Variants in UBASH3A observed in about 807,000 individuals in gnomAD.
The protein encoded by UBASH3A is ubiquitin-associated and SH3 domain-containing protein A.
Under a neutral mutation model 73.5 loss-of-function variants are expected in UBASH3A, and 63 were observed. That is an observed-to-expected ratio of 0.86 (90% CI 0.70 to 1.06). The LOEUF (loss-of-function observed/expected upper bound fraction) is 1.06. Among genes scored for constraint, UBASH3A ranks in the 50% least tolerant of loss-of-function variants. The pLI, the probability that UBASH3A is intolerant of heterozygous loss-of-function variation, is 0.00. For synonymous variants in UBASH3A, 363 were observed against 351.1 expected (o/e 1.03, Z -0.38); for missense variants, 860 against 859.0 (o/e 1.00, Z -0.02).
At position 42,406,461 on chromosome 21, in the gene UBASH3A, G is replaced by A. The variant is rs905987202; in HGVS notation, c.167+100G>A. On this transcript the variant is annotated intron_variant, in intron 2 of 14. Transcript: ENST00000319294. ...GGGCTGATACCAGGAAGAGCCGGGC[G>A]CCTCTGGGTGGGATGGGGCCACTGC... 43 of 1,033,670 alleles carry A rather than the reference G, an allele frequency of 4.2e-5. No homozygotes were observed. In the South Asian group the frequency reaches 4.3e-4, roughly 10 times the overall value. 64.0% of individuals were successfully genotyped at this position (1,033,670 alleles called of 1,614,324 possible).
At chr21:42,407,358 T>G (rs2052998212) in intron 2 of UBASH3A, among the ~76,000 whole-genome samples, 1 of 152,104 alleles carries the variant, frequency 6.6e-6, no homozygotes, top group African/African-American at 2.4e-5. Context: ...TGCCCCCTCC[T>G]CCTCCAGAAA....
rs200264316 is a variant in UBASH3A at position 42,417,859 on chromosome 21, CTTTT to C, written c.838-535_838-532del. 1.2e-3 allele frequency among the ~76,000 whole-genome samples: 149 copies of C among 125,670 alleles called. 1 individual carries two copies. The highest frequency in any genetic ancestry group is 4.1e-3 in the African/African-American group (142 of 34,764). The allele number at this position is 125,670 out of a possible 152,430, so 82.4% of individuals were successfully genotyped here. A position where few individuals can be genotyped will look rare whatever the true frequency, so the allele number is the denominator to read the frequency against. ...GATGGATAGATCCCAAAATGTATCT[CTTTT>C]TTTTTTCTTTTTTTCTTTTTTTTTT... On this transcript the variant is annotated intron_variant, in intron 6 of 14. Coordinates refer to ENST00000319294, the MANE Select transcript of UBASH3A (RefSeq NM_018961.4).
intron 10 of UBASH3A, among the ~76,000 whole-genome samples, chr21:42,436,843 G>A (rs1601597219): frequency 6.6e-6 from 1 of 152,326 alleles, no homozygotes; most frequent in South Asian, 2.1e-4. Context: ...TTTCTCAAAC[G>A]ACCACAAATG....
Position 42,447,347 on chromosome 21 carries a change from T to G in UBASH3A, c.*153T>G, listed in dbSNP as rs2053861919. The G allele has an allele frequency of 1.2e-6, 1 of 840,866 alleles. No homozygotes were observed. The highest frequency in any genetic ancestry group is 1.8e-6 in the Non-Finnish European group (1 of 561,508). The allele number at this position is 840,866 out of a possible 1,614,324, so 52.1% of individuals were successfully genotyped here. On this transcript the variant is annotated 3_prime_UTR_variant, in exon 15 of 15. Transcript: ENST00000319294. ...ACTTTTATATCCCGGAATATTTCCC[T>G]CCGGCTTTCGCCTTTGTAACTCCCA... is the stretch of plus-strand genomic sequence containing the variant.
At chr21:42,431,924 A>T (rs1270755959) in intron 8 of UBASH3A, among the ~76,000 whole-genome samples, 179 bp from the exon 9 acceptor site, 3 of 152,162 alleles carry the variant, frequency 2.0e-5, no homozygotes, top group Non-Finnish European at 2.9e-5. Flanking sequence ...AATTGAAGAG[A>T]TTGTCAATTT....
chr21:42,412,267 C>T (rs2053114692), intron 3 of UBASH3A, among the ~76,000 whole-genome samples: 1 of 152,140 alleles, frequency 6.6e-6, no homozygotes, highest in Non-Finnish European at 1.5e-5. Flanking sequence ...ACCTGTCGGG[C>T]TCCGTGGGCC....
chr21:42,410,842 C>T (rs528049896), intron 3 of UBASH3A, among the ~76,000 whole-genome samples: 321 of 152,116 alleles, frequency 2.1e-3, no homozygotes, highest in Admixed American at 4.1e-3. Context: ...TAGACACACA[C>T]AGATTGACAC....
rs368060592 is a variant in UBASH3A, at chr21:42,413,390, C to T, written c.554-20C>T. ...GTGGGCTTTCTTCCGGGCTCAGTGG[C>T]TGCACCTGTCCTCACCCAGGCACTT... On this transcript the variant is annotated intron_variant, in intron 4 of 14. Coordinates refer to ENST00000319294, the MANE Select transcript of UBASH3A (RefSeq NM_018961.4). The surrounding 1 kb of genome is among the most constrained non-coding windows in gnomAD (Gnocchi z 4.5). 96 of 1,598,922 alleles carry T rather than the reference C, an allele frequency of 6.0e-5. No individual in the cohort carries two copies. Among genetic ancestry groups the T allele is most frequent in the Non-Finnish European group, 7.3e-5 (85 of 1,170,008 alleles).
intron 10 of UBASH3A, 37 bp downstream of exon 10, chr21:42,434,991 T>A (rs2053601465): frequency 6.2e-7 from 1 of 1,610,578 alleles, no homozygotes; most frequent in Non-Finnish European, 8.5e-7. Flanking sequence ...AAGGTAACAA[T>A]AACAGCAACA....
chr21:42,419,343 C>A (rs939966360), intron 7 of UBASH3A, among the ~76,000 whole-genome samples: 2 of 152,162 alleles, frequency 1.3e-5, no homozygotes, highest in African/African-American at 4.8e-5. Context: ...TATCTCTTTC[C>A]TCTCCCGCTT....
At chr21:42,432,010 A>AGTTGCTGG in intron 8 of UBASH3A, 93 bp from the exon 9 acceptor site, 1 of 711,128 alleles carries the variant, frequency 1.4e-6, no homozygotes, top group Admixed American at 2.1e-5. Flanking sequence ...ATTCCCTCGC[A>AGTTGCTGG]GTTGCTGGGT....
At chr21:42,425,398 G>T (rs1376496730) in intron 7 of UBASH3A, among the ~76,000 whole-genome samples, 1 of 152,236 alleles carries the variant, frequency 6.6e-6, no homozygotes, top group African/African-American at 2.4e-5. Context: ...CCGCAGGGAG[G>T]CTGTGGGTGC....
At position 42,447,392 on chromosome 21, in the gene UBASH3A, C is replaced by T. The variant is rs1303603350; in HGVS notation, c.*198C>T. Reference sequence around the variant, plus strand: ...CTCCCATCTGTGGACCCATCGTCCACCAGCCCAGCTGCGGGGAGCACAGGG... The same window carrying T: ...CTCCCATCTGTGGACCCATCGTCCATCAGCCCAGCTGCGGGGAGCACAGGG... On this transcript the variant is annotated 3_prime_UTR_variant, in exon 15 of 15. Coordinates refer to ENST00000319294, the MANE Select transcript of UBASH3A (RefSeq NM_018961.4). 2 of 574,050 alleles carry T rather than the reference C, an allele frequency of 3.5e-6. No individual in the cohort carries two copies. The highest frequency in any genetic ancestry group is 3.3e-5 in the East Asian group (1 of 30,304). The allele number at this position is 574,050 out of a possible 1,614,324, so 35.6% of individuals were successfully genotyped here.
chr21:42,409,503 C>G lies in UBASH3A; in HGVS notation c.249C>G (p.Pro83=). ...CCCTTTTCCTCTGTCCAACGGGGCC[C>G]CTGCTGGAAAAACTTCAAGAGTTCT... ...EYALFLCPTG[P]LLEKLQEFWR... The change falls in exon 3 of 15, where the codon CCC becomes CCG. Residue 83 remains proline, a synonymous_variant. Transcript: ENST00000319294. 1.2e-6 allele frequency: 2 copies of G among 1,614,136 alleles called. No homozygotes were observed. Among genetic ancestry groups the G allele is most frequent in the Non-Finnish European group, 1.7e-6 (2 of 1,180,018 alleles).
chr21:42,412,420 C>T (rs933695270), intron 3 of UBASH3A, among the ~76,000 whole-genome samples: 1 of 152,174 alleles, frequency 6.6e-6, no homozygotes, highest in Non-Finnish European at 1.5e-5. Context: ...GAGCAGACCC[C>T]AAGGCAGAAT....
intron 3 of UBASH3A, among the ~76,000 whole-genome samples, chr21:42,411,086 G>A (rs1294727137): frequency 7.1e-6 from 1 of 141,724 alleles, no homozygotes; most frequent in East Asian, 2.1e-4. Context: ...GACACACACA[G>A]AGACACAGAT....
In UBASH3A at chr21:42,426,705, C is replaced by CCTT. The variant is rs771158307; in HGVS notation, c.1057_1059dup (p.Phe353dup). 23 of 1,613,818 alleles carry CCTT rather than the reference C, an allele frequency of 1.4e-5. No individual in the cohort carries two copies. The Middle Eastern group carries it at 4.9e-4, about 35-fold the overall frequency. On this transcript the variant is annotated inframe_insertion, in exon 8 of 15. Coordinates refer to ENST00000319294, the MANE Select transcript of UBASH3A (RefSeq NM_018961.4). Reference sequence around the variant, plus strand: ...CTTTCCTTCCCCTGCAGGATGTACACCTTCAGTCTAGCCACAGACCTGAAC... The same window carrying CCTT: ...CTTTCCTTCCCCTGCAGGATGTACACCTTCTTCAGTCTAGCCACAGACCTGAAC...
rs1380121356 is a variant in UBASH3A at position 42,443,375 on chromosome 21, C to G, written c.1695C>G (p.Cys565Trp). 1 of 1,613,204 alleles carries G rather than the reference C, an allele frequency of 6.2e-7. No homozygotes were observed. The highest frequency in any genetic ancestry group is 1.7e-4 in the Middle Eastern group (1 of 6,058). Residue 565 changes from cysteine (C) to tryptophan (W), a missense_variant, in exon 13 of 15, where the codon TGC becomes TGG. Coordinates refer to ENST00000319294, the MANE Select transcript of UBASH3A (RefSeq NM_018961.4). ...GCTACCAGGAGTACATGGACAGGTG[C>G]ACGGCGAGCATGGTGCAAATCGTCA... ...AESYQEYMDR[C>W]TASMVQIVNT...
chr21:42,432,219 C>A lies in UBASH3A; in HGVS notation c.1270+17C>A. The A allele has an allele frequency of 6.4e-7, 1 of 1,556,226 alleles. No homozygotes were observed. The highest frequency in any genetic ancestry group is 8.9e-7 in the Non-Finnish European group (1 of 1,129,258). ...CTCCTGATGGTAGGTCACACTCAGGCGGGTCTACGGACAGAAACACTGTAG... is the reference window on the plus strand; with the variant it reads ...CTCCTGATGGTAGGTCACACTCAGGAGGGTCTACGGACAGAAACACTGTAG... On this transcript the variant is annotated intron_variant, in intron 9 of 14. Transcript: ENST00000319294.
Sources: allele counts gnomAD v4.1 joint callset (sites outside exome capture counted in the v4.1 genomes callset), GRCh38; gene constraint gnomAD v4.1.1; non-coding constraint Gnocchi (gnomAD v3.1); transcripts MANE v1.5; gene names NCBI Gene and HGNC (gene_info 2026-07-23, HGNC 2026-07-21).